The following BMPER variants were observed in gnomAD, a reference collection of about 807,000 sequenced individuals.
BMPER encodes BMP-binding endothelial regulator protein.
Under a neutral mutation model 87.3 loss-of-function variants are expected in BMPER, and 45 were observed. That is an observed-to-expected ratio of 0.52 (90% CI 0.41 to 0.66). The LOEUF (loss-of-function observed/expected upper bound fraction) is 0.66. BMPER is among the 30% of genes least tolerant of loss of function. The pLI, the probability that BMPER is intolerant of heterozygous loss-of-function variation, is 0.00. For missense variants in BMPER, 784 were observed against 867.5 expected, an observed-to-expected ratio of 0.90 and a Z score of 1.21; for synonymous variants, 326 against 316.2, an observed-to-expected ratio of 1.03 and a Z score of -0.33.
At chr7:33,906,107 G>GTT (rs1463300258) in intron 1 of BMPER, among the ~76,000 whole-genome samples, 1 of 152,128 alleles carries the variant, frequency 6.6e-6, no homozygotes, top group African/African-American at 2.4e-5. Context: ...CATCTTTGGG[G>GTT]TTGCAATACA....
intron 13 of BMPER, among the ~76,000 whole-genome samples, chr7:34,139,128 A>G: frequency 6.6e-6 from 1 of 152,238 alleles, no homozygotes; most frequent in East Asian, 1.9e-4. Context: ...TTTGAAGTGC[A>G]TTTGAAGATG....
chr7:34,033,081 T>C (rs1343522157), intron 6 of BMPER, among the ~76,000 whole-genome samples: 1 of 152,192 alleles, frequency 6.6e-6, no homozygotes, highest in Non-Finnish European at 1.5e-5. Flanking sequence ...AGGCAAAGTA[T>C]ATAATATAAA....
intron 6 of BMPER, among the ~76,000 whole-genome samples, chr7:33,995,549 G>C (rs1392632408): frequency 1.3e-5 from 2 of 152,120 alleles, no homozygotes; most frequent in East Asian, 3.9e-4. Flanking sequence ...GAAATGGAAA[G>C]GCATTCCAGT....
intron 6 of BMPER, among the ~76,000 whole-genome samples, chr7:34,028,601 G>GGTTTTTT (rs1787426612): frequency 2.2e-4 from 8 of 36,054 alleles, no homozygotes; most frequent in Admixed American, 1.1e-3. Flanking sequence ...CATTTTTTCT[G>GGTTTTTT]TTTTTTTTTT....
chr7:33,960,093 A>G (rs1785232340), intron 3 of BMPER, among the ~76,000 whole-genome samples: 1 of 152,244 alleles, frequency 6.6e-6, no homozygotes, highest in African/African-American at 2.4e-5. Flanking sequence ...AGCGAAGCTA[A>G]AAAAGCAATG....
chr7:34,064,775 T>C (rs1004040567), intron 11 of BMPER, among the ~76,000 whole-genome samples: 7 of 152,228 alleles, frequency 4.6e-5, no homozygotes, highest in African/African-American at 1.7e-4. Flanking sequence ...TTCCATCTGT[T>C]TACTCTCTCC....
chr7:33,948,690 T>A (rs910360805), intron 3 of BMPER, among the ~76,000 whole-genome samples: 1 of 152,200 alleles, frequency 6.6e-6, no homozygotes, highest in East Asian at 1.9e-4. Context: ...GTGAAGATGG[T>A]GCCTGCTTCC....
chr7:34,037,440 A>T (rs1453179355), intron 6 of BMPER, among the ~76,000 whole-genome samples: 1 of 152,078 alleles, frequency 6.6e-6, no homozygotes, highest in Non-Finnish European at 1.5e-5. Context: ...CCTGCTCTGT[A>T]ACCCCTCCAC....
intron 6 of BMPER, among the ~76,000 whole-genome samples, chr7:33,981,038 G>A (rs555290675): frequency 6.6e-6 from 1 of 152,256 alleles, no homozygotes; most frequent in East Asian, 1.9e-4. Flanking sequence ...AGCCAGGCAG[G>A]GTCCAGCCTC....
In BMPER at chr7:34,085,939, A is replaced by G. The variant is rs140570715; in HGVS notation, c.1592A>G (p.Asn531Ser). 2.3e-4 allele frequency: 378 copies of G among 1,614,120 alleles called. No individual in the cohort carries two copies. Among genetic ancestry groups the G allele is most frequent in the South Asian group, 5.2e-4 (47 of 91,076 alleles). ...GCTGAATCTTGGAGGGTGGAGTCCA[A>G]TGAGTTCTGCAACAGACCTCAGAGA... Reference protein sequence around the residue: ...DFAESWRVESNEFCNRPQRKP... With the variant: ...DFAESWRVESSEFCNRPQRKP... Residue 531 changes from asparagine to serine, a missense_variant, in exon 13 of 15, where the codon AAT becomes AGT. Coordinates refer to ENST00000649409, the MANE Select transcript of BMPER (RefSeq NM_001365308.1).
intron 13 of BMPER, among the ~76,000 whole-genome samples, chr7:34,089,449 G>T (rs1183773808): frequency 6.6e-6 from 1 of 151,930 alleles, no homozygotes; most frequent in Non-Finnish European, 1.5e-5. Context: ...TCTGAATTAG[G>T]TTTTACTTTT....
At chr7:34,035,035 G>T (rs557945747) in intron 6 of BMPER, among the ~76,000 whole-genome samples, 3 of 152,250 alleles carry the variant, frequency 2.0e-5, no homozygotes, top group African/African-American at 7.2e-5. Flanking sequence ...ATCATATATG[G>T]CCTAGATTAG....
chr7:34,024,395 A>C (rs1787298404), intron 6 of BMPER, among the ~76,000 whole-genome samples: 1 of 19,446 alleles, frequency 5.1e-5, no homozygotes, highest in African/African-American at 3.1e-4. Flanking sequence ...ATATATATAT[A>C]TATATATATA....
intron 3 of BMPER, among the ~76,000 whole-genome samples, chr7:33,943,415 A>T (rs1011234982): frequency 2.0e-5 from 3 of 152,298 alleles, no homozygotes; most frequent in Admixed American, 1.3e-4. Flanking sequence ...CAACTCTTGT[A>T]TGGATTCCAT....
intron 6 of BMPER, among the ~76,000 whole-genome samples, chr7:34,023,207 T>C (rs552179686): frequency 6.6e-6 from 1 of 152,174 alleles, no homozygotes; most frequent in Non-Finnish European, 1.5e-5. Flanking sequence ...CATAGCAGGA[T>C]CCACTGCTGT....
chr7:34,122,617 A>G (rs773669736), intron 13 of BMPER, among the ~76,000 whole-genome samples: 1 of 152,196 alleles, frequency 6.6e-6, no homozygotes, highest in Non-Finnish European at 1.5e-5. Context: ...GAGAGAAATC[A>G]TTGTTAACAG....
intron 13 of BMPER, among the ~76,000 whole-genome samples, chr7:34,104,186 G>GA (rs2127983764): frequency 6.6e-6 from 1 of 152,258 alleles, no homozygotes; most frequent in South Asian, 2.1e-4. Context: ...TTTCTCCAGC[G>GA]AAAATTGATG....
chr7:34,132,263 G>T (rs1477480182), intron 13 of BMPER, among the ~76,000 whole-genome samples: 2 of 152,160 alleles, frequency 1.3e-5, no homozygotes, highest in Non-Finnish European at 2.9e-5. Context: ...GAGCCTGAGA[G>T]CTAGTGCCCC....
intron 6 of BMPER, among the ~76,000 whole-genome samples, chr7:34,024,943 G>A (rs1292052595): frequency 6.6e-6 from 1 of 152,012 alleles, no homozygotes; most frequent in Non-Finnish European, 1.5e-5. Flanking sequence ...GGAGAAACTT[G>A]GGCTTAGAGT....
Sources: gnomAD v4.1 joint callset for allele counts (sites outside exome capture counted in the v4.1 genomes callset) on GRCh38, gnomAD v4.1.1 for gene constraint, MANE v1.5 for transcripts, NCBI Gene and HGNC (gene_info 2026-07-23, HGNC 2026-07-21) for gene names.